TM9SF4: variants seen among roughly 807,000 people sequenced by gnomAD.
TM9SF4 encodes the protein dinucleotide oxidase disulfide thiol exchanger 3 superfamily member 4.
In TM9SF4, 26 loss-of-function variants were observed where a neutral mutation model predicts 90.4. That is an observed-to-expected ratio of 0.29 (90% confidence interval 0.21 to 0.40). TM9SF4 has a LOEUF of 0.40. Among genes scored for constraint, TM9SF4 ranks in the 10% least tolerant of loss-of-function variants. The pLI, the probability that TM9SF4 is intolerant of heterozygous loss-of-function variation, is 1.00. For missense variants in TM9SF4, 549 were observed against 834.8 expected, an observed-to-expected ratio of 0.66 and a Z score of 4.22; for synonymous variants, 293 against 315.4, an observed-to-expected ratio of 0.93 and a Z score of 0.75.
chr20:32,115,806 G>GTTTTTTTTT lies in TM9SF4; in HGVS notation c.15+6051_15+6052insTTTTTTTTT, dbSNP rs1243268586. Among the ~76,000 whole-genome samples the GTTTTTTTTT allele has an allele frequency of 1.0e-4, 11 of 106,306 alleles. 2 individuals are homozygous for GTTTTTTTTT. The highest frequency in any genetic ancestry group is 3.2e-4 in the East Asian group (1 of 3,168). 69.7% of individuals were successfully genotyped at this position (106,306 alleles called of 152,430 possible). On this transcript the variant is annotated intron_variant, in intron 1 of 17. Coordinates refer to ENST00000398022, the MANE Select transcript of TM9SF4 (RefSeq NM_014742.4). ...GTAATAACAAAACCTACCACTTTAA[G>GTTTTTTTTT]CTTTTTTTTTTTTTTTTTTTTTTTT...
chr20:32,129,190 A>T (rs2046472939), intron 1 of TM9SF4, among the ~76,000 whole-genome samples: 1 of 152,122 alleles, frequency 6.6e-6, no homozygotes. Context: ...AAGCTTGAAC[A>T]TTCCTACTCA....
At chr20:32,154,599 A>C (rs1457765305) in intron 12 of TM9SF4, among the ~76,000 whole-genome samples, 2 of 152,130 alleles carry the variant, frequency 1.3e-5, no homozygotes, top group African/African-American at 4.8e-5. Flanking sequence ...GACTACAGGC[A>C]TGAGCCACCA....
chr20:32,165,594 G>C lies in TM9SF4; in HGVS notation c.*150G>C. On this transcript the variant is annotated 3_prime_UTR_variant, in exon 18 of 18. Coordinates refer to ENST00000398022, the MANE Select transcript of TM9SF4 (RefSeq NM_014742.4). ...CCTGGATCCTGGGGCTGCGTGGGGG[G>C]CGGGAGGGCCTGTAGATAATCTTGC... 2 of 900,074 alleles carry C rather than the reference G, an allele frequency of 2.2e-6. No individual in the cohort carries two copies. Among genetic ancestry groups the C allele is most frequent in the Non-Finnish European group, 1.7e-6 (1 of 596,884 alleles). The allele number at this position is 900,074 out of a possible 1,614,324, so 55.8% of individuals were successfully genotyped here. A position where few individuals can be genotyped will look rare whatever the true frequency, so the allele number is the denominator to read the frequency against.
At chr20:32,123,866 A>ATTTTTTTTT (rs1165240152) in intron 1 of TM9SF4, among the ~76,000 whole-genome samples, 5 of 93,928 alleles carry the variant, frequency 5.3e-5, no homozygotes, top group African/African-American at 4.6e-5. Flanking sequence ...ATATATATAT[A>ATTTTTTTTT]TTTTTTTTTT....
At chr20:32,140,572 C>T (rs1038217192) in intron 3 of TM9SF4, among the ~76,000 whole-genome samples, 3 of 152,194 alleles carry the variant, frequency 2.0e-5, no homozygotes, top group African/African-American at 7.2e-5. Context: ...TTGATGCCTG[C>T]CTACTCTGTG....
At chr20:32,162,206 C>A (rs2047027937) in intron 17 of TM9SF4, among the ~76,000 whole-genome samples, 1 of 152,236 alleles carries the variant, frequency 6.6e-6, no homozygotes, top group Admixed American at 6.5e-5. Context: ...AGCCCAGAAG[C>A]AAGCAGTCCT....
intron 1 of TM9SF4, among the ~76,000 whole-genome samples, chr20:32,130,017 G>A (rs2046487801): frequency 6.6e-6 from 1 of 152,168 alleles, no homozygotes; most frequent in Admixed American, 6.5e-5. Context: ...ACTTTTGGGG[G>A]ACTTTTGGAT....
chr20:32,165,429 T>C lies in TM9SF4; in HGVS notation c.1914T>C (p.Ala638=), dbSNP rs2122492637. 1 of 1,614,206 alleles carries C rather than the reference T, an allele frequency of 6.2e-7. No homozygotes were observed. Among genetic ancestry groups the C allele is most frequent in the Non-Finnish European group, 8.5e-7 (1 of 1,180,030 alleles). The part of the protein sequence containing the change: ...AYMFVRKIYA[A]VKID ...TGTTTGTTCGCAAGATCTATGCTGC[T>C]GTGAAGATAGACTGATTGGAGTGGA... The change falls in exon 18 of 18, where the codon GCT becomes GCC. Residue 638 remains alanine, a synonymous_variant. Coordinates refer to ENST00000398022, the MANE Select transcript of TM9SF4 (RefSeq NM_014742.4).
At chr20:32,156,518 T>G (rs1434940430) in intron 13 of TM9SF4, among the ~76,000 whole-genome samples, 1 of 152,258 alleles carries the variant, frequency 6.6e-6, no homozygotes, top group Non-Finnish European at 1.5e-5. Flanking sequence ...TTCTGACTCT[T>G]CTCTAGATTA....
chr20:32,123,159 AGGAGAG>A (rs1372003956), intron 1 of TM9SF4, among the ~76,000 whole-genome samples: 1 of 71,144 alleles, frequency 1.4e-5, no homozygotes, highest in Non-Finnish European at 2.6e-5. Flanking sequence ...GGAGACCATG[AGGAGAG>A]GGAGAGGGGG....
intron 3 of TM9SF4, 100 bp downstream of exon 3, chr20:32,136,273 C>G (rs2046593263): frequency 8.9e-7 from 1 of 1,124,526 alleles, no homozygotes; most frequent in African/African-American, 1.5e-5. Flanking sequence ...ATTCTAGACA[C>G]TGGTCTACAT....
rs764184586 is a variant in TM9SF4, at chr20:32,158,528, C to T, written c.1569+14C>T. 2.5e-6 allele frequency: 4 copies of T among 1,613,560 alleles called. No homozygotes were observed. The African/African-American group carries it at 4.0e-5, about 16-fold the overall frequency. ...TTCATCTTCAGTGTGAGTACTGGTG[C>T]CTCCCCCACCCCTCCACCCATGCTA... On this transcript the variant is annotated intron_variant, in intron 15 of 17. Coordinates refer to ENST00000398022, the MANE Select transcript of TM9SF4 (RefSeq NM_014742.4).
intron 17 of TM9SF4, among the ~76,000 whole-genome samples, chr20:32,161,856 C>T (rs1339703658): frequency 2.0e-5 from 3 of 152,154 alleles, no homozygotes; most frequent in East Asian, 1.9e-4. Context: ...CTCTTCTTCA[C>T]GCAAGTACTG....
intron 1 of TM9SF4, among the ~76,000 whole-genome samples, chr20:32,113,793 C>A (rs986505156): frequency 3.9e-5 from 6 of 152,172 alleles, no homozygotes; most frequent in Non-Finnish European, 8.8e-5. Context: ...CATTTCATCA[C>A]CCCAAAAAGA....
At chr20:32,146,607 G>A (rs1473372476) in intron 8 of TM9SF4, among the ~76,000 whole-genome samples, 178 bp from the exon 9 acceptor site, 2 of 151,828 alleles carry the variant, frequency 1.3e-5, no homozygotes, top group African/African-American at 2.4e-5. Flanking sequence ...TCCTCCCCTG[G>A]TAGCTGGAGT....
chr20:32,134,256 G>A (rs891627641), intron 2 of TM9SF4, among the ~76,000 whole-genome samples: 11 of 152,158 alleles, frequency 7.2e-5, no homozygotes, highest in African/African-American at 1.4e-4. Context: ...GAGGGTGGAC[G>A]CCTTGGGTGG....
intron 5 of TM9SF4, 106 bp from the exon 6 acceptor site, chr20:32,142,876 A>T: frequency 6.8e-7 from 1 of 1,460,464 alleles, no homozygotes; most frequent in Non-Finnish European, 9.4e-7. Context: ...ACAGTGTTTT[A>T]GGAAGGTTGG....
At chr20:32,163,260 AAAAAAAAAATATATATATAT>A (rs1569114759) in intron 17 of TM9SF4, among the ~76,000 whole-genome samples, 2 of 104,522 alleles carry the variant, frequency 1.9e-5, no homozygotes, top group Non-Finnish European at 1.8e-5. Context: ...AAAAAAAAAA[AAAAAAAAAATATATATATAT>A]ATATATATAT....
intron 1 of TM9SF4, among the ~76,000 whole-genome samples, chr20:32,122,744 G>T (rs1473050867): frequency 6.6e-6 from 1 of 152,106 alleles, no homozygotes; most frequent in Non-Finnish European, 1.5e-5. Context: ...AGGCAAAGAT[G>T]CTCCTCACTT....
Sources: gnomAD v4.1 joint callset for allele counts (sites outside exome capture counted in the v4.1 genomes callset) on GRCh38, gnomAD v4.1.1 for gene constraint, MANE v1.5 for transcripts, NCBI Gene and HGNC (gene_info 2026-07-23, HGNC 2026-07-21) for gene names.